RIPOR2: variants seen among roughly 807,000 people sequenced by gnomAD.
The protein encoded by RIPOR2 is RHO family interacting cell polarization regulator 2.
In RIPOR2, 39 loss-of-function variants were observed where a neutral mutation model predicts 114.5. The ratio of observed to expected loss-of-function variants is 0.34; its 90% CI spans 0.26 to 0.44. The LOEUF is 0.44. Ranked by LOEUF, RIPOR2 falls within the 20% of genes least tolerant of loss-of-function variation. The probability of loss-of-function intolerance (pLI) is 1.00; values close to 1 mark genes in which losing one functional copy is unlikely to be tolerated. For missense variants in RIPOR2, 1,007 were observed against 1,255.1 expected (o/e 0.80, Z 2.99); for synonymous variants, 445 against 484.4 (o/e 0.92, Z 1.07).
At chr6:24,911,121 G>A in intron 1 of RIPOR2, 1 of 276,778 alleles carries the variant, frequency 3.6e-6, no homozygotes, top group Non-Finnish European at 5.5e-6. Flanking sequence ...GGAGGGGCGG[G>A]AGCCGTGAGG....
intron 1 of RIPOR2, among the ~76,000 whole-genome samples, chr6:24,993,178 A>G (rs1248660012): frequency 6.6e-6 from 1 of 152,164 alleles, no homozygotes; most frequent in Non-Finnish European, 1.5e-5. Flanking sequence ...TTTTTCCAAA[A>G]AACCACCTCC....
intron 1 of RIPOR2, among the ~76,000 whole-genome samples, chr6:24,943,097 T>C (rs1191849705): frequency 2.0e-5 from 3 of 152,196 alleles, no homozygotes; most frequent in Non-Finnish European, 4.4e-5. Context: ...AAGCCAAATG[T>C]CCCACAATGA....
At chr6:24,931,459 A>G (rs1158908722) in intron 1 of RIPOR2, among the ~76,000 whole-genome samples, 1 of 152,200 alleles carries the variant, frequency 6.6e-6, no homozygotes, top group Admixed American at 6.5e-5. Flanking sequence ...TCTCCTTAAG[A>G]GCAACAGGCA....
intron 1 of RIPOR2, among the ~76,000 whole-genome samples, chr6:25,034,494 C>T (rs1777146338): frequency 1.3e-5 from 2 of 152,182 alleles, no homozygotes; most frequent in African/African-American, 4.8e-5. Flanking sequence ...TTACCCCCAA[C>T]TTGATACACT....
intron 1 of RIPOR2, among the ~76,000 whole-genome samples, chr6:24,935,379 A>T (rs972730157): frequency 6.6e-6 from 1 of 150,808 alleles, no homozygotes; most frequent in East Asian, 1.9e-4. Flanking sequence ...AGAGAGAGAG[A>T]CAGAGAGAGA....
intron 1 of RIPOR2, among the ~76,000 whole-genome samples, chr6:24,930,876 A>T (rs549284236): frequency 8.5e-5 from 13 of 152,310 alleles, no homozygotes; most frequent in African/African-American, 3.1e-4. Flanking sequence ...CACTTGAGAA[A>T]CCCAGATATT....
At chr6:24,973,387 G>A (rs1773880597) in intron 1 of RIPOR2, among the ~76,000 whole-genome samples, 1 of 152,046 alleles carries the variant, frequency 6.6e-6, no homozygotes, top group South Asian at 2.1e-4. Flanking sequence ...TGGATCACAA[G>A]GTCAGGAGAT....
At chr6:25,020,558 T>C (rs1776270364) in intron 1 of RIPOR2, among the ~76,000 whole-genome samples, 1 of 152,228 alleles carries the variant, frequency 6.6e-6, no homozygotes, top group Non-Finnish European at 1.5e-5. Context: ...CCACAAGGTA[T>C]CTCCACCCAC....
rs1470221826 is a variant in RIPOR2, at chr6:24,809,730, G to C, written c.3030C>G (p.Thr1010=). ...AATAAAACTCACCCAGAGACAAGAG[G>C]GTTTCTGAGGCCACATTTCTGATTT... ...TEEIRNVASE[T]LLSLGEDGRL... Residue 1010 remains threonine (T), a synonymous_variant, in exon 21 of 22, where the codon ACC becomes ACG. Transcript: ENST00000643898. 6.5e-7 allele frequency: 1 copy of C among 1,546,544 alleles called. No homozygotes were observed. Among genetic ancestry groups the C allele is most frequent in the Non-Finnish European group, 8.8e-7 (1 of 1,142,330 alleles).
chr6:24,843,312 C>T lies in RIPOR2; in HGVS notation c.1407G>A (p.Leu469=), dbSNP rs754430259. ...GTGACTTTGGCTCTTGGCCTTCTCC[C>T]AGGGAGTTCCTGGAAGATGCTGAGC... ...DTSSASSRNS[L]GEGQEPKSHL... The change falls in exon 13 of 22, where the codon CTG becomes CTA. Residue 469 remains leucine, a synonymous_variant. Coordinates refer to ENST00000643898, the MANE Select transcript of RIPOR2 (RefSeq NM_001286445.3). 1.2e-5 allele frequency: 20 copies of T among 1,613,992 alleles called. No homozygotes were observed. The South Asian group carries it at 1.8e-4, about 14-fold the overall frequency.
chr6:24,966,899 AT>A (rs1773552846), intron 1 of RIPOR2, among the ~76,000 whole-genome samples: 1 of 152,236 alleles, frequency 6.6e-6, no homozygotes, highest in African/African-American at 2.4e-5. Flanking sequence ...TAAGAACTCC[AT>A]AGATATTAGT....
Position 24,843,123 on chromosome 6 carries a change from A to G in RIPOR2, c.1596T>C (p.Pro532=), listed in dbSNP as rs372186044. 3 of 1,613,960 alleles carry G rather than the reference A, an allele frequency of 1.9e-6. No homozygotes were observed. Among genetic ancestry groups the G allele is most frequent in the Non-Finnish European group, 2.5e-6 (3 of 1,179,866 alleles). Residue 532 remains proline (P), a synonymous_variant, in exon 13 of 22, where the codon CCT becomes CCC. Coordinates refer to ENST00000643898, the MANE Select transcript of RIPOR2 (RefSeq NM_001286445.3). ...QESEEASELK[P]VELDTSEGNI... Reference sequence around the variant, plus strand: ...TTCCTTCCGAAGTGTCCAGTTCCACAGGCTTGAGCTCAGAGGCCTCCTCAG... The same window carrying G: ...TTCCTTCCGAAGTGTCCAGTTCCACGGGCTTGAGCTCAGAGGCCTCCTCAG...
intron 20 of RIPOR2, among the ~76,000 whole-genome samples, chr6:24,810,374 T>C (rs903349899): frequency 7.2e-5 from 11 of 152,218 alleles, no homozygotes; most frequent in African/African-American, 2.4e-4. Flanking sequence ...TTTTCCCTGG[T>C]TCTTTCCACT....
At chr6:24,959,104 C>G (rs1186217973) in intron 1 of RIPOR2, among the ~76,000 whole-genome samples, 3 of 152,078 alleles carry the variant, frequency 2.0e-5, no homozygotes, top group Non-Finnish European at 4.4e-5. Context: ...GCATGAGCCA[C>G]TGCACGTGGC....
At chr6:24,835,945 A>G (rs1761073779) in intron 14 of RIPOR2, 74 bp from the exon 15 acceptor site, 1 of 1,432,184 alleles carries the variant, frequency 7.0e-7, no homozygotes, top group Non-Finnish European at 9.6e-7. Flanking sequence ...CATGGTTTGC[A>G]TCGGGCCCCA....
chr6:24,836,460 G>A (rs915268123), intron 14 of RIPOR2, among the ~76,000 whole-genome samples: 2 of 152,194 alleles, frequency 1.3e-5, no homozygotes, highest in Non-Finnish European at 2.9e-5. Flanking sequence ...TTGTTGAACT[G>A]TATGAAGTTA....
chr6:25,041,643 A>G (rs1561862313), intron 1 of RIPOR2, among the ~76,000 whole-genome samples: 1 of 152,222 alleles, frequency 6.6e-6, no homozygotes, highest in East Asian at 1.9e-4. Context: ...AGTTACCTCT[A>G]ATTAGGATAG....
At chr6:24,823,698 G>C (rs113470881) in intron 19 of RIPOR2, among the ~76,000 whole-genome samples, 1 of 152,302 alleles carries the variant, frequency 6.6e-6, no homozygotes, top group African/African-American at 2.4e-5. Flanking sequence ...TGCCCTAAAA[G>C]TAAAAGATGC....
At chr6:25,034,089 G>GTT (rs1485161753) in intron 1 of RIPOR2, among the ~76,000 whole-genome samples, 6 of 100,462 alleles carry the variant, frequency 6.0e-5, no homozygotes, top group East Asian at 7.7e-4. Flanking sequence ...CTACAAAAAG[G>GTT]TTTTATATAT....
Sources: allele counts gnomAD v4.1 joint callset (sites outside exome capture counted in the v4.1 genomes callset), GRCh38; gene constraint gnomAD v4.1.1; transcripts MANE v1.5; gene names NCBI Gene and HGNC (gene_info 2026-07-23, HGNC 2026-07-21).